CRHR1: variants seen among roughly 807,000 people sequenced by gnomAD.
CRHR1 encodes the protein corticotropin releasing hormone receptor 1.
In CRHR1, 28 loss-of-function variants were observed where a neutral mutation model predicts 56.0. The ratio of observed to expected loss-of-function variants is 0.50; its 90% CI spans 0.37 to 0.69. CRHR1 has a LOEUF of 0.69. Among genes scored for constraint, CRHR1 ranks in the 30% least tolerant of loss-of-function variants. The pLI is 0.00. For missense variants in CRHR1, 376 were observed against 548.0 expected, an observed-to-expected ratio of 0.69 and a Z score of 3.13; for synonymous variants, 195 against 216.5, an observed-to-expected ratio of 0.90 and a Z score of 0.87.
At chr17:45,808,340 C>T (rs2061757204) in intron 2 of CRHR1, among the ~76,000 whole-genome samples, 1 of 152,194 alleles carries the variant, frequency 6.6e-6, no homozygotes, top group Admixed American at 6.5e-5. Context: ...TGTTCCTTCA[C>T]TAGGGAGAGC....
Position 45,830,153 on chromosome 17 carries a change from GCA to G in CRHR1, c.495_496del (p.Asn166ArgfsTer58). ...AACCTCATCTCCGCCTTCATCCTGC[GCA>G]ACGCCACCTGGTTCGTGGTCCAGCT... On this transcript the variant is annotated frameshift_variant, in exon 6 of 13. Transcript: ENST00000314537. LOFTEE classifies it high-confidence loss of function. 1 of 1,614,096 alleles carries G rather than the reference GCA, an allele frequency of 6.2e-7. No homozygotes were observed. The highest frequency in any genetic ancestry group is 8.5e-7 in the Non-Finnish European group (1 of 1,180,020).
chr17:45,802,487 G>A (rs987152909), intron 1 of CRHR1, among the ~76,000 whole-genome samples: 28 of 152,196 alleles, frequency 1.8e-4, no homozygotes, highest in Non-Finnish European at 4.4e-5. Flanking sequence ...GAGGAGATCA[G>A]CGGATGGTGG....
chr17:45,785,728 G>A (rs1333068080), intron 1 of CRHR1, among the ~76,000 whole-genome samples: 1 of 152,202 alleles, frequency 6.6e-6, no homozygotes. Context: ...CAAGTGGTTT[G>A]AGTTAAACCA....
rs375047507 is a variant in CRHR1 at position 45,830,219 on chromosome 17, G to A, written c.555+5G>A. 113 of 1,613,998 alleles carry A rather than the reference G, an allele frequency of 7.0e-5. No individual in the cohort carries two copies. The highest frequency in any genetic ancestry group is 6.4e-5 in the Non-Finnish European group (75 of 1,179,968). On this transcript the variant is annotated splice_donor_5th_base_variant and intron_variant, in intron 6 of 12. Transcript: ENST00000314537. ...GAGGTCCACCAGAGCAACGTGGTACGTCCTGGCAGGGGAGCGGGGAGCAGG... is the reference window on the plus strand; with the variant it reads ...GAGGTCCACCAGAGCAACGTGGTACATCCTGGCAGGGGAGCGGGGAGCAGG...
At chr17:45,833,575 GAAA>G in intron 10 of CRHR1, 38 bp downstream of exon 10, 1 of 1,604,138 alleles carries the variant, frequency 6.2e-7, no homozygotes, top group South Asian at 1.1e-5. Context: ...TCCCCCTGAT[GAAA>G]CCCCTGCTCC....
intron 5 of CRHR1, 117 bp from the exon 6 acceptor site, chr17:45,829,977 C>A: frequency 6.6e-7 from 1 of 1,504,266 alleles, no homozygotes; most frequent in South Asian, 1.2e-5. Context: ...GGCCAGTCAG[C>A]CCCACCCTGT....
rs747757188 is a variant in CRHR1 at position 45,830,173 on chromosome 17, G to A, written c.514G>A (p.Val172Ile). The A allele has an allele frequency of 8.7e-6, 14 of 1,614,026 alleles. No individual in the cohort carries two copies. The highest frequency in any genetic ancestry group is 1.1e-5 in the Non-Finnish European group (13 of 1,180,036). ...CCTGCGCAACGCCACCTGGTTCGTGGTCCAGCTAACCATGAGCCCCGAGGT... is the reference window on the plus strand; with the variant it reads ...CCTGCGCAACGCCACCTGGTTCGTGATCCAGCTAACCATGAGCCCCGAGGT... ...FILRNATWFVVQLTMSPEVHQ... is the reference protein window; with the variant it reads ...FILRNATWFVIQLTMSPEVHQ... The change falls in exon 6 of 13, where the codon GTC becomes ATC. Residue 172 changes from valine to isoleucine, a missense_variant. Around this residue, in one of 2 missense-constraint regions of CRHR1, gnomAD observed 369 missense variants for 519.5 expected, o/e 0.71. Coordinates refer to ENST00000314537, the MANE Select transcript of CRHR1 (RefSeq NM_004382.5).
chr17:45,831,804 C>T (rs576096214), intron 8 of CRHR1, among the ~76,000 whole-genome samples: 6 of 152,340 alleles, frequency 3.9e-5, no homozygotes, highest in South Asian at 2.1e-4. Flanking sequence ...ATCTGACTGA[C>T]GGACCTGGCG....
At position 45,784,808 on chromosome 17, in the gene CRHR1, T is replaced by C. The variant is rs780195581; in HGVS notation, c.33+231T>C. ...AAATCGTGGCGAAGCCGCCGGGATG[T>C]TGGCGGAGGAGGGGGTCCGCCCACC... On this transcript the variant is annotated intron_variant, in intron 1 of 12. Transcript: ENST00000314537. The surrounding 1 kb of genome is among the most constrained non-coding windows in gnomAD (Gnocchi z 4.2). Among the ~76,000 whole-genome samples, 29 of 152,128 alleles carry C rather than the reference T, an allele frequency of 1.9e-4. No homozygotes were observed. Among genetic ancestry groups the C allele is most frequent in the Admixed American group, 1.2e-3 (19 of 15,302 alleles).
At chr17:45,792,527 C>A (rs1356179738) in intron 1 of CRHR1, among the ~76,000 whole-genome samples, 1 of 152,186 alleles carries the variant, frequency 6.6e-6, no homozygotes, top group Non-Finnish European at 1.5e-5. Flanking sequence ...CAACCCCTAC[C>A]CAGCAGAATA....
intron 5 of CRHR1, 43 bp downstream of exon 5, chr17:45,829,364 A>C: frequency 6.4e-7 from 1 of 1,551,602 alleles, no homozygotes. Flanking sequence ...CCCAGGACCT[A>C]GAGCAGAAGC....
At chr17:45,817,389 C>A (rs1006475825) in intron 3 of CRHR1, among the ~76,000 whole-genome samples, 2 of 152,152 alleles carry the variant, frequency 1.3e-5, no homozygotes, top group African/African-American at 4.8e-5. Flanking sequence ...CCCTTGGGTC[C>A]TTGTGGTCTT....
chr17:45,830,668 G>T, intron 7 of CRHR1, 98 bp downstream of exon 7: 1 of 1,472,976 alleles, frequency 6.8e-7, no homozygotes, highest in South Asian at 1.3e-5. Context: ...CCTGAGGGAT[G>T]GAGGTCGGGT....
In CRHR1 at chr17:45,803,782, G is replaced by GCGCGCA. The variant is rs1308240690; in HGVS notation, c.34-3226_34-3225insCGCACG. On this transcript the variant is annotated intron_variant, in intron 1 of 12. Coordinates refer to ENST00000314537, the MANE Select transcript of CRHR1 (RefSeq NM_004382.5). ...CGTGTGTGTGTGTGTGTGTGCGTGC[G>GCGCGCA]CGTGCGCGTGTGTGCATGTGTGTGT... 6.6e-5 allele frequency among the ~76,000 whole-genome samples: 10 copies of GCGCGCA among 152,244 alleles called. No individual in the cohort carries two copies. The South Asian group carries it at 8.3e-4, about 13-fold the overall frequency.
chr17:45,821,240 C>T, intron 3 of CRHR1, 115 bp from the exon 4 acceptor site: 3 of 893,050 alleles, frequency 3.4e-6, no homozygotes, highest in East Asian at 2.4e-5. Flanking sequence ...AACCCCCAGC[C>T]AGCAGGTGCC....
chr17:45,835,439 A>G lies in CRHR1; in HGVS notation c.*675A>G, dbSNP rs28364027. ...CATTTAGTACCCTGCAGGCCAGGCC[A>G]GCTTCCCCTCACTTAACCACCCCAT... is the stretch of plus-strand genomic sequence containing the variant. On this transcript the variant is annotated 3_prime_UTR_variant, in exon 13 of 13. Coordinates refer to ENST00000314537, the MANE Select transcript of CRHR1 (RefSeq NM_004382.5). The G allele has an allele frequency of 0.031, 4,783 of 153,300 alleles. 82 individuals carry two copies. The highest frequency in any genetic ancestry group is 0.065 in the East Asian group (338 of 5,206). 9.5% of individuals were successfully genotyped at this position (153,300 alleles called of 1,614,324 possible). A position where few individuals can be genotyped will look rare whatever the true frequency, so the allele number is the denominator to read the frequency against.
At chr17:45,803,596 G>T (rs528592839) in intron 1 of CRHR1, among the ~76,000 whole-genome samples, 1 of 152,268 alleles carries the variant, frequency 6.6e-6, no homozygotes, top group East Asian at 1.9e-4. Context: ...CTATTGGCCA[G>T]GCTGGTCTCA....
At chr17:45,810,275 ACT>A (rs1453371402) in intron 2 of CRHR1, among the ~76,000 whole-genome samples, 1 of 151,972 alleles carries the variant, frequency 6.6e-6, no homozygotes, top group Non-Finnish European at 1.5e-5. Context: ...ACAGAGCGAG[ACT>A]CTGTCTCAAA....
At chr17:45,827,700 G>C (rs565668072) in intron 4 of CRHR1, 69 of 152,360 alleles carry the variant, frequency 4.5e-4, no homozygotes, top group African/African-American at 1.4e-3. Flanking sequence ...TCCAAGAACA[G>C]AGCTTCTGTA....
Sources: allele counts gnomAD v4.1 joint callset (sites outside exome capture counted in the v4.1 genomes callset), GRCh38; gene constraint gnomAD v4.1.1; regional missense constraint gnomAD v4.1.1; non-coding constraint Gnocchi (gnomAD v3.1); transcripts MANE v1.5; gene names NCBI Gene and HGNC (gene_info 2026-07-23, HGNC 2026-07-21).